PTPRD: variants seen among roughly 807,000 people sequenced by gnomAD.
PTPRD encodes the protein receptor-type tyrosine-protein phosphatase delta.
PTPRD carries 34 observed loss-of-function variants against 214.5 expected under a neutral mutation model. That is an observed-to-expected ratio of 0.16 (90% CI 0.12 to 0.21). PTPRD has a LOEUF of 0.21. Ranked by LOEUF, PTPRD falls within the 10% of genes least tolerant of loss-of-function variation. The pLI, the probability that PTPRD is intolerant of heterozygous loss-of-function variation, is 1.00. For missense variants in PTPRD, 2,545 were observed against 2,398.7 expected (o/e 1.06, Z -1.27); for synonymous variants, 1,128 against 845.7 (o/e 1.33, Z -5.79).
At chr9:8,797,073 C>T (rs146623082) in intron 11 of PTPRD, 4 of 152,148 alleles carry the variant, frequency 2.6e-5, no homozygotes, top group East Asian at 3.9e-4. Flanking sequence ...TAACATGATA[C>T]GCCTTACTAT....
At chr9:9,565,554 C>A (rs568696607) in intron 8 of PTPRD, among the ~76,000 whole-genome samples, 1 of 151,800 alleles carries the variant, frequency 6.6e-6, no homozygotes, top group Non-Finnish European at 1.5e-5. Context: ...TATTGCAAGA[C>A]TTTATTAATG....
intron 10 of PTPRD, among the ~76,000 whole-genome samples, chr9:9,052,545 T>A (rs1396433334): frequency 6.6e-6 from 1 of 152,114 alleles, no homozygotes; most frequent in South Asian, 2.1e-4. Context: ...GTTAGTGCAA[T>A]GAAGGAAAAT....
intron 2 of PTPRD, among the ~76,000 whole-genome samples, chr9:10,485,962 G>A (rs866112982): frequency 3.3e-5 from 5 of 151,562 alleles, no homozygotes; most frequent in Non-Finnish European, 5.9e-5. Flanking sequence ...TCTTTCATAT[G>A]CTCATTGGCT....
intron 5 of PTPRD, among the ~76,000 whole-genome samples, chr9:9,894,169 C>T (rs548206065): frequency 6.6e-6 from 1 of 152,142 alleles, no homozygotes; most frequent in African/African-American, 2.4e-5. Flanking sequence ...AAGATAATAT[C>T]TATCATTTCT....
chr9:10,509,373 T>A (rs2047167059), intron 2 of PTPRD, among the ~76,000 whole-genome samples: 1 of 151,486 alleles, frequency 6.6e-6, no homozygotes, highest in South Asian at 2.1e-4. Context: ...TTCTTTGGAA[T>A]CTAATCTTAT....
At chr9:9,399,700 G>C (rs933494182) in intron 8 of PTPRD, among the ~76,000 whole-genome samples, 3 of 151,974 alleles carry the variant, frequency 2.0e-5, no homozygotes, top group Non-Finnish European at 4.4e-5. Flanking sequence ...CATGAGATCT[G>C]ATGATTTTAT....
chr9:9,038,748 G>A (rs556375302), intron 10 of PTPRD, among the ~76,000 whole-genome samples: 1 of 151,860 alleles, frequency 6.6e-6, no homozygotes, highest in East Asian at 1.9e-4. Flanking sequence ...GTAGAGATGG[G>A]ATTTCACCAT....
At chr9:10,191,048 G>A (rs1206879457) in intron 3 of PTPRD, among the ~76,000 whole-genome samples, 1 of 151,950 alleles carries the variant, frequency 6.6e-6, no homozygotes, top group Non-Finnish European at 1.5e-5. Context: ...TCAACTTTTT[G>A]GATGCCAGTA....
At chr9:8,972,854 G>A (rs1377148774) in intron 11 of PTPRD, among the ~76,000 whole-genome samples, 6 of 151,904 alleles carry the variant, frequency 3.9e-5, no homozygotes, top group Non-Finnish European at 1.5e-5. Flanking sequence ...GATAAATGGT[G>A]ACAACATTCA....
chr9:10,310,074 G>A (rs2154416715), intron 3 of PTPRD, among the ~76,000 whole-genome samples: 1 of 152,114 alleles, frequency 6.6e-6, no homozygotes, highest in Non-Finnish European at 1.5e-5. Flanking sequence ...TGGTAAAATG[G>A]TGTTTTATTA....
At position 10,076,834 on chromosome 9, in the gene PTPRD, A is replaced by G. The variant is rs113329974; in HGVS notation, c.-544-43044T>C. On this transcript the variant is annotated intron_variant, in intron 3 of 45. Transcript: ENST00000381196. ...TCACAGCTAAATAAACCTAGCGCAC[A>G]TTACAGCTAATGGTGCTCTACGAAC... Among the ~76,000 whole-genome samples, 155 of 152,276 alleles carry G rather than the reference A, an allele frequency of 1.0e-3. 1 individual carries two copies. Among genetic ancestry groups the G allele is most frequent in the African/African-American group, 3.3e-3 (137 of 41,570 alleles).
chr9:9,179,416 G>T (rs1246894798), intron 10 of PTPRD, among the ~76,000 whole-genome samples: 3 of 152,064 alleles, frequency 2.0e-5, no homozygotes, highest in Admixed American at 6.6e-5. Context: ...TATGAAAAGT[G>T]ACACTGATGA....
At chr9:9,936,026 T>A (rs1172256511) in intron 5 of PTPRD, among the ~76,000 whole-genome samples, 1 of 150,112 alleles carries the variant, frequency 6.7e-6, no homozygotes. Flanking sequence ...GCTAGCCATA[T>A]GTAGAAAGCT....
At chr9:8,336,467 C>A (rs1481265102) in intron 43 of PTPRD, among the ~76,000 whole-genome samples, 1 of 66,158 alleles carries the variant, frequency 1.5e-5, no homozygotes, top group Non-Finnish European at 3.4e-5. Flanking sequence ...AGACTTAAAC[C>A]TAAGATGTAA....
chr9:9,662,792 C>T (rs2096645292), intron 7 of PTPRD, among the ~76,000 whole-genome samples: 1 of 151,400 alleles, frequency 6.6e-6, no homozygotes, highest in Non-Finnish European at 1.5e-5. Flanking sequence ...GCATTAAAAC[C>T]ACATGTATCT....
At chr9:9,462,386 T>C (rs2093738585) in intron 8 of PTPRD, among the ~76,000 whole-genome samples, 1 of 152,184 alleles carries the variant, frequency 6.6e-6, no homozygotes, top group Admixed American at 6.6e-5. Flanking sequence ...CATATTCATG[T>C]ATTTGTAACT....
At chr9:8,712,359 T>C (rs7856391) in intron 12 of PTPRD, among the ~76,000 whole-genome samples, 4,026 of 152,288 alleles carry the variant, frequency 0.026, 202 homozygotes, top group African/African-American at 0.091. Flanking sequence ...CAATTGTGTG[T>C]CTTTAATAAT....
At chr9:9,386,989 G>A (rs968917951) in intron 9 of PTPRD, among the ~76,000 whole-genome samples, 14 of 152,176 alleles carry the variant, frequency 9.2e-5, no homozygotes, top group Non-Finnish European at 1.8e-4. Context: ...TAACAGCTCA[G>A]ATGAGAAATA....
intron 11 of PTPRD, among the ~76,000 whole-genome samples, chr9:8,943,405 T>A (rs1409486266): frequency 6.6e-6 from 1 of 151,840 alleles, no homozygotes; most frequent in African/African-American, 2.4e-5. Context: ...CAAAACAGCA[T>A]GGTTCTGAGA....
Sources: gnomAD v4.1 joint callset for allele counts (sites outside exome capture counted in the v4.1 genomes callset) on GRCh38, gnomAD v4.1.1 for gene constraint, MANE v1.5 for transcripts, NCBI Gene and HGNC (gene_info 2026-07-23, HGNC 2026-07-21) for gene names.